Variants in ABCA1 observed in about 807,000 individuals in gnomAD.
The protein encoded by ABCA1 is ATP binding cassette subfamily A member 1.
In ABCA1, 133 loss-of-function variants were observed where a neutral mutation model predicts 262.5. That is an observed-to-expected ratio of 0.51 (90% CI 0.44 to 0.59). The LOEUF (loss-of-function observed/expected upper bound fraction) is 0.59, where lower values mean the gene tolerates loss of function less well. Among genes scored for constraint, ABCA1 ranks in the 20% least tolerant of loss-of-function variants. The pLI, the probability that ABCA1 is intolerant of heterozygous loss-of-function variation, is 0.00. For missense variants in ABCA1, 2,452 were observed against 2,777.5 expected (o/e 0.88, Z 2.63); for synonymous variants, 1,022 against 1,043.5 (o/e 0.98, Z 0.40).
chr9:104,848,970 C>T (rs1835141213), intron 7 of ABCA1, among the ~76,000 whole-genome samples: 1 of 152,160 alleles, frequency 6.6e-6, no homozygotes, highest in Non-Finnish European at 1.5e-5. Context: ...AAACCCCAAA[C>T]CCAACATTCA....
chr9:104,862,556 T>G (rs1380580202), intron 5 of ABCA1, among the ~76,000 whole-genome samples: 1 of 151,574 alleles, frequency 6.6e-6, no homozygotes, highest in African/African-American at 2.4e-5. Context: ...ATCTCCTGTT[T>G]AATGCAAAAC....
intron 25 of ABCA1, among the ~76,000 whole-genome samples, chr9:104,815,583 G>A (rs892705215): frequency 1.3e-5 from 2 of 152,164 alleles, no homozygotes; most frequent in African/African-American, 4.8e-5. Context: ...AGAATTAAAT[G>A]AGGTCACAGT....
At chr9:104,837,189 C>T in intron 10 of ABCA1, 93 bp from the exon 11 acceptor site, 2 of 1,164,234 alleles carry the variant, frequency 1.7e-6, no homozygotes, top group Non-Finnish European at 2.5e-6. Flanking sequence ...TACCCCATCA[C>T]AGCAGCCCTG....
chr9:104,822,445 C>T (rs767553858), intron 19 of ABCA1, 51 bp downstream of exon 19: 11 of 1,609,198 alleles, frequency 6.8e-6, no homozygotes, highest in Non-Finnish European at 8.5e-6. Flanking sequence ...TCTAACTCTA[C>T]TGCAGAACCC....
rs745716306 is a variant in ABCA1, at chr9:104,825,664, G to T, written c.2542+19C>A. On this transcript the variant is annotated intron_variant, in intron 17 of 49. Transcript: ENST00000374736. The stretch of plus-strand genomic sequence containing the variant: ...AGCTAGAAGTCATATTTTCCAAACA[G>T]ATGCCCAAAGCAGTGTACCTGGAAA... 6.2e-7 allele frequency: 1 copy of T among 1,612,886 alleles called. No individual in the cohort carries two copies. The highest frequency in any genetic ancestry group is 8.5e-7 in the Non-Finnish European group (1 of 1,178,828).
At chr9:104,796,519 T>A (rs912504936) in intron 37 of ABCA1, 95 bp from the exon 38 acceptor site, 1 of 897,862 alleles carries the variant, frequency 1.1e-6, no homozygotes, top group Admixed American at 2.0e-5. Flanking sequence ...AAAGGGCAGA[T>A]AAACATATTG....
At chr9:104,856,045 A>T (rs1835808722) in intron 7 of ABCA1, 1 of 1,612,188 alleles carries the variant, frequency 6.2e-7, no homozygotes, top group Admixed American at 1.7e-5. Flanking sequence ...ACTTCTTGGC[A>T]CAGTTAACTG....
chr9:104,819,694 A>C lies in ABCA1; in HGVS notation c.3133T>G (p.Leu1045Val), dbSNP rs1468208209. ...ACCTTAGATCCCCCGACAAAGGCCA[A>C]GGCCACAGATAGCTTTCTCTGCATT... Reference protein sequence around the residue: ...GGMQRKLSVALAFVGGSKVVI... With the variant: ...GGMQRKLSVAVAFVGGSKVVI... The change falls in exon 22 of 50, where the codon TTG becomes GTG. Residue 1045 changes from leucine (L) to valine (V), a missense_variant. Transcript: ENST00000374736. 3 of 1,614,240 alleles carry C rather than the reference A, an allele frequency of 1.9e-6. No homozygotes were observed. Among genetic ancestry groups the C allele is most frequent in the Non-Finnish European group, 2.5e-6 (3 of 1,180,040 alleles).
intron 1 of ABCA1, among the ~76,000 whole-genome samples, chr9:104,910,608 G>A (rs1055420636): frequency 2.6e-5 from 4 of 152,322 alleles, no homozygotes; most frequent in South Asian, 2.1e-4. Flanking sequence ...GTGTATGTGC[G>A]TGTATTCCAC....
chr9:104,890,164 G>A (rs561145780), intron 2 of ABCA1, among the ~76,000 whole-genome samples: 4 of 152,264 alleles, frequency 2.6e-5, no homozygotes, highest in Middle Eastern at 3.4e-3. Context: ...ACACCAAAGA[G>A]CCCAAAAGAG....
Position 104,926,460 on chromosome 9 carries a change from AC to A in ABCA1, c.-93+1474del, listed in dbSNP as rs1290793540. 8.1e-5 allele frequency among the ~76,000 whole-genome samples: 10 copies of A among 122,728 alleles called. No individual in the cohort carries two copies. The East Asian group carries it at 1.1e-3, about 14-fold the overall frequency. 80.5% of individuals were successfully genotyped at this position (122,728 alleles called of 152,430 possible). On this transcript the variant is annotated intron_variant, in intron 1 of 49. Transcript: ENST00000374736. Reference sequence around the variant, plus strand: ...GGCAAACACGCTAACAAAAAAAAAAACCAAAAAAACAAAAAAAAAAAAACAA... The same window carrying A: ...GGCAAACACGCTAACAAAAAAAAAAACAAAAAAACAAAAAAAAAAAAACAA...
intron 24 of ABCA1, among the ~76,000 whole-genome samples, chr9:104,816,566 T>A (rs966855350): frequency 2.0e-5 from 3 of 149,166 alleles, no homozygotes; most frequent in Non-Finnish European, 4.4e-5. Flanking sequence ...AGGCACATTA[T>A]AGGTACTCAG....
intron 1 of ABCA1, among the ~76,000 whole-genome samples, chr9:104,916,204 A>T (rs1588587950): frequency 6.6e-6 from 1 of 152,192 alleles, no homozygotes; most frequent in Non-Finnish European, 1.5e-5. Context: ...AAGTAAAAAA[A>T]AAATAAAAAT....
intron 5 of ABCA1, among the ~76,000 whole-genome samples, chr9:104,863,931 G>C (rs886431195): frequency 1.3e-5 from 2 of 152,244 alleles, no homozygotes; most frequent in Admixed American, 6.5e-5. Context: ...CTTGGGCCCA[G>C]TCCCCAGAGA....
chr9:104,812,488 C>A, intron 28 of ABCA1, 86 bp downstream of exon 28: 2 of 1,551,730 alleles, frequency 1.3e-6, no homozygotes, highest in Non-Finnish European at 1.8e-6. Flanking sequence ...CATATCTTGA[C>A]CAGGATGCTA....
intron 16 of ABCA1, 44 bp downstream of exon 16, chr9:104,826,904 G>A (rs780265200): frequency 1.3e-6 from 2 of 1,565,732 alleles, no homozygotes; most frequent in Non-Finnish European, 1.8e-6. Context: ...TCCAAAGGAA[G>A]GTCAAATGCC....
intron 1 of ABCA1, among the ~76,000 whole-genome samples, chr9:104,909,924 C>G (rs1841398440): frequency 6.6e-6 from 1 of 152,184 alleles, no homozygotes; most frequent in South Asian, 2.1e-4. Flanking sequence ...TCTTCTACAG[C>G]ACTAAATCTG....
At chr9:104,829,171 G>A in intron 14 of ABCA1, 33 bp from the exon 15 acceptor site, 1 of 1,611,650 alleles carries the variant, frequency 6.2e-7, no homozygotes. Flanking sequence ...AGGGGAGAAA[G>A]AAAGACACAC....
intron 1 of ABCA1, among the ~76,000 whole-genome samples, chr9:104,913,962 G>A (rs1305572542): frequency 1.3e-5 from 1 of 74,610 alleles, no homozygotes; most frequent in South Asian, 5.3e-4. Flanking sequence ...AACACGCCCG[G>A]CTAATTTTTT....
Sources: gnomAD v4.1 joint callset for allele counts (sites outside exome capture counted in the v4.1 genomes callset) on GRCh38, gnomAD v4.1.1 for gene constraint, MANE v1.5 for transcripts, NCBI Gene and HGNC (gene_info 2026-07-23, HGNC 2026-07-21) for gene names.